Variants in ANO1 observed in about 807,000 individuals in gnomAD.
The protein encoded by ANO1 is anoctamin-1.
A neutral mutation model predicts 124.0 loss-of-function variants in ANO1; 59 were observed. That is an observed-to-expected ratio of 0.48 (90% confidence interval 0.39 to 0.59). The LOEUF (loss-of-function observed/expected upper bound fraction) is 0.59. ANO1 is among the 20% of genes least tolerant of loss of function. ANO1 has a pLI of 0.00. For synonymous variants in ANO1, 529 were observed against 532.0 expected, an observed-to-expected ratio of 0.99 and a Z score of 0.08; for missense variants, 1,059 against 1,328.0, an observed-to-expected ratio of 0.80 and a Z score of 3.15.
chr11:70,107,487 A>AGTCGGGGGGG (rs2045594066), intron 5 of ANO1, among the ~76,000 whole-genome samples: 1 of 39,838 alleles, frequency 2.5e-5, no homozygotes, highest in African/African-American at 1.0e-4. Context: ...GGTCCAGTGG[A>AGTCGGGGGGG]GGCGGCGGGG....
chr11:70,002,369 CAGG>C (rs1478729782), intron 1 of ANO1, among the ~76,000 whole-genome samples: 2 of 147,558 alleles, frequency 1.4e-5, no homozygotes, highest in African/African-American at 5.0e-5. Context: ...GAGGCTGAGG[CAGG>C]AGAATTGCTT....
chr11:70,044,887 T>C (rs782391862), intron 1 of ANO1, among the ~76,000 whole-genome samples: 2 of 152,204 alleles, frequency 1.3e-5, no homozygotes, highest in Admixed American at 1.3e-4. Context: ...AAACAAGCTG[T>C]TAAAGACATT....
Position 70,111,613 on chromosome 11 carries a change from A to T in ANO1, c.800-94A>T, listed in dbSNP as rs879679782. On this transcript the variant is annotated intron_variant, in intron 6 of 25. Coordinates refer to ENST00000355303, the MANE Select transcript of ANO1 (RefSeq NM_018043.7). ...GTTCGTTTCATTTTGAGAAGCTCTTAGTGGCTGAGATGGCCCTGTGACCGC... is the reference window on the plus strand; with the variant it reads ...GTTCGTTTCATTTTGAGAAGCTCTTTGTGGCTGAGATGGCCCTGTGACCGC... 795 of 1,215,648 alleles carry T rather than the reference A, an allele frequency of 6.5e-4. 1 individual carries two copies. The highest frequency in any genetic ancestry group is 9.3e-4 in the Non-Finnish European group (762 of 823,300). 75.3% of individuals were successfully genotyped at this position (1,215,648 alleles called of 1,614,324 possible).
chr11:69,999,050 G>T lies in ANO1; in HGVS notation c.58+12884G>T, dbSNP rs568166108. 2.9e-4 allele frequency among the ~76,000 whole-genome samples: 43 copies of T among 149,496 alleles called. No homozygotes were observed. The South Asian group carries it at 9.2e-3, about 32-fold the overall frequency. Reference sequence around the variant, plus strand: ...CTGTCTCAAAAAAAAAAAAAAAAGAGATTTTTTAAAAAGAAAGAAAGAAAG... The same window carrying T: ...CTGTCTCAAAAAAAAAAAAAAAAGATATTTTTTAAAAAGAAAGAAAGAAAG... On this transcript the variant is annotated intron_variant, in intron 1 of 27. Coordinates refer to the ANO1 transcript ENST00000531349.
At chr11:70,044,830 A>G (rs1338758483) in intron 1 of ANO1, among the ~76,000 whole-genome samples, 1 of 152,242 alleles carries the variant, frequency 6.6e-6, no homozygotes, top group African/African-American at 2.4e-5. Flanking sequence ...AGAAGACATG[A>G]CAACTCCCTG....
At chr11:70,058,797 C>T (rs1555007250) in intron 1 of ANO1, among the ~76,000 whole-genome samples, 2 of 152,140 alleles carry the variant, frequency 1.3e-5, no homozygotes, top group African/African-American at 4.8e-5. Flanking sequence ...TCCATTCTAC[C>T]TTTCCTGAAG....
intron 1 of ANO1, among the ~76,000 whole-genome samples, chr11:70,036,252 C>T (rs781912926): frequency 6.6e-6 from 1 of 152,206 alleles, no homozygotes; most frequent in African/African-American, 2.4e-5. Context: ...AGGCACATCA[C>T]CCCAATCTCT....
In ANO1 at chr11:70,095,407, AAAGAAAGAAAG is replaced by A. The variant is rs1450585754; in HGVS notation, c.441+7326_441+7336del. On this transcript the variant is annotated intron_variant, in intron 2 of 25. Transcript: ENST00000355303. The stretch of plus-strand genomic sequence containing the variant: ...GAAAGAAAGAAAGAAAGAAAGAAAG[AAAGAAAGAAAG>A]AAAGAAAGAAAAGAAAAGAAAGAAA... 2.0e-4 allele frequency among the ~76,000 whole-genome samples: 10 copies of A among 49,646 alleles called. 1 individual carries two copies. The highest frequency in any genetic ancestry group is 7.9e-4 in the South Asian group (1 of 1,266). 32.6% of individuals were successfully genotyped at this position (49,646 alleles called of 152,430 possible).
At chr11:70,092,456 G>T (rs1205207574) in intron 2 of ANO1, among the ~76,000 whole-genome samples, 7 of 152,198 alleles carry the variant, frequency 4.6e-5, no homozygotes, top group African/African-American at 1.4e-4. Flanking sequence ...GCAGGGTCAT[G>T]GCTGAGGGCC....
chr11:69,970,539 G>A, the ANO1 span, among the ~76,000 whole-genome samples: 3 of 152,202 alleles, frequency 2.0e-5, no homozygotes, highest in Non-Finnish European at 2.9e-5. Flanking sequence ...GGTCTGAAGC[G>A]AAATGTTTAC....
Position 70,182,535 on chromosome 11 carries a change from C to T in ANO1, c.2437C>T (p.Pro813Ser). ...GATCTCCTTCACGTCTGACTTCATCCCGCGCCTGGTGTACCTCTACATGTA... is the reference window on the plus strand; with the variant it reads ...GATCTCCTTCACGTCTGACTTCATCTCGCGCCTGGTGTACCTCTACATGTA... ...FVISFTSDFI[P>S]RLVYLYMYSK... is the part of the protein sequence containing the mutation. The change falls in exon 24 of 26, where the codon CCG becomes TCG. Residue 813 changes from proline to serine, a missense_variant. Pro to Ser is a moderately conservative substitution (Grantham distance 74). Around this residue, in one of 2 missense-constraint regions of ANO1, gnomAD observed 809 missense variants for 1,094.9 expected, o/e 0.74. Transcript: ENST00000355303. The T allele has an allele frequency of 1.2e-6, 2 of 1,604,366 alleles. No individual in the cohort carries two copies. The highest frequency in any genetic ancestry group is 1.7e-6 in the Non-Finnish European group (2 of 1,175,294).
intron 23 of ANO1, 60 bp from the exon 24 acceptor site, chr11:70,182,442 G>T: frequency 7.1e-7 from 1 of 1,400,256 alleles, no homozygotes; most frequent in Non-Finnish European, 9.5e-7. Context: ...ACCCCCTGTT[G>T]CGGCCGGCCC....
At chr11:70,053,633 G>C (rs2135088934) in intron 1 of ANO1, among the ~76,000 whole-genome samples, 1 of 152,042 alleles carries the variant, frequency 6.6e-6, no homozygotes, top group African/African-American at 2.4e-5. Flanking sequence ...TTTTTGTTTA[G>C]GATTTATAAG....
chr11:69,992,458 G>A (rs560520610), intron 1 of ANO1, among the ~76,000 whole-genome samples: 57 of 152,246 alleles, frequency 3.7e-4, no homozygotes, highest in Non-Finnish European at 6.0e-4. Context: ...AAAGAGCAAG[G>A]AATGTGCCTA....
chr11:70,126,763 G>A (rs1476259961), intron 10 of ANO1, among the ~76,000 whole-genome samples: 1 of 145,196 alleles, frequency 6.9e-6, no homozygotes, highest in African/African-American at 2.6e-5. Context: ...GCCAGACTTC[G>A]GTGCAGGCTG....
chr11:70,128,076 A>G (rs891378389), intron 10 of ANO1, among the ~76,000 whole-genome samples: 14 of 152,098 alleles, frequency 9.2e-5, no homozygotes, highest in Admixed American at 3.9e-4. Flanking sequence ...AAAGAAACTG[A>G]CTCTTTGCAG....
intron 15 of ANO1, 150 bp downstream of exon 15, chr11:70,156,138 A>C (rs2047808124): frequency 1.3e-6 from 1 of 788,632 alleles, no homozygotes. Flanking sequence ...CAGTGAGCCC[A>C]GCATGTTGCG....
intron 22 of ANO1, among the ~76,000 whole-genome samples, chr11:70,177,756 C>A (rs1027930097): frequency 2.6e-5 from 4 of 151,948 alleles, no homozygotes; most frequent in South Asian, 4.2e-4. Context: ...CCCGCCACCA[C>A]ACTCGGCTAA....
chr11:69,973,528 G>A, the ANO1 span, among the ~76,000 whole-genome samples: 7 of 152,178 alleles, frequency 4.6e-5, no homozygotes, highest in African/African-American at 7.2e-5. Context: ...CTTGCTAGGC[G>A]GTGCGAGGCA....
Sources: gnomAD v4.1 joint callset for allele counts (sites outside exome capture counted in the v4.1 genomes callset) on GRCh38, gnomAD v4.1.1 for gene constraint, gnomAD v4.1.1 regional missense constraint, MANE v1.5 for transcripts, NCBI Gene and HGNC (gene_info 2026-07-23, HGNC 2026-07-21) for gene names.